CRYBG1: variants seen among roughly 807,000 people sequenced by gnomAD.
The protein encoded by CRYBG1 is crystallin beta-gamma domain containing 1.
CRYBG1 carries 139 observed loss-of-function variants against 189.2 expected under a neutral mutation model. The ratio of observed to expected loss-of-function variants is 0.73; its 90% CI spans 0.64 to 0.85. The LOEUF (loss-of-function observed/expected upper bound fraction) is 0.85. Among genes scored for constraint, CRYBG1 ranks in the 40% least tolerant of loss-of-function variants. The pLI is 0.00. For missense variants in CRYBG1, 2,611 were observed against 2,675.8 expected (o/e 0.98, Z 0.53); for synonymous variants, 1,023 against 1,017.1 (o/e 1.01, Z -0.11).
At chr6:106,442,140 A>C (rs753472540) in intron 1 of CRYBG1, among the ~76,000 whole-genome samples, 1 of 152,200 alleles carries the variant, frequency 6.6e-6, no homozygotes, top group Non-Finnish European at 1.5e-5. Context: ...GGTGTTTGTG[A>C]GTTCAGAAAA....
At chr6:106,369,116 A>C (rs1390325384) in intron 1 of CRYBG1, among the ~76,000 whole-genome samples, 1 of 152,352 alleles carries the variant, frequency 6.6e-6, no homozygotes, top group South Asian at 2.1e-4. Flanking sequence ...TCATGAAAGC[A>C]TACATTTTGA....
At chr6:106,492,222 G>C (rs1458031768) in intron 2 of CRYBG1, among the ~76,000 whole-genome samples, 2 of 152,174 alleles carry the variant, frequency 1.3e-5, no homozygotes, top group Non-Finnish European at 2.9e-5. Context: ...TAAGCTTCTA[G>C]ATGTCAAAAT....
intron 2 of CRYBG1, among the ~76,000 whole-genome samples, chr6:106,461,575 A>G (rs188123354): frequency 7.9e-5 from 12 of 152,274 alleles, no homozygotes; most frequent in Non-Finnish European, 1.3e-4. Context: ...GGTCTTTCCT[A>G]ATCGTGATAG....
At chr6:106,379,771 A>G (rs1159948040) in intron 1 of CRYBG1, among the ~76,000 whole-genome samples, 1 of 152,016 alleles carries the variant, frequency 6.6e-6, no homozygotes, top group Non-Finnish European at 1.5e-5. Flanking sequence ...TGTGTTGCCC[A>G]GCTTGAGGAT....
At chr6:106,416,358 C>A (rs1322790730) in intron 1 of CRYBG1, among the ~76,000 whole-genome samples, 2 of 152,224 alleles carry the variant, frequency 1.3e-5, no homozygotes, top group Non-Finnish European at 2.9e-5. Context: ...TGGTTTACAG[C>A]AGCAGGGAGA....
Position 106,560,815 on chromosome 6 carries a change from T to C in CRYBG1, c.5868T>C (p.Tyr1956=), listed in dbSNP as rs1774694840. 6.2e-7 allele frequency: 1 copy of C among 1,611,308 alleles called. No individual in the cohort carries two copies. Among genetic ancestry groups the C allele is most frequent in the Non-Finnish European group, 8.5e-7 (1 of 1,179,006 alleles). ...VQVIGGIWVT[Y]EYGSYRGRQF... The stretch of plus-strand genomic sequence containing the variant: ...TTTTTGTTTTCAGATGGGTTACTTA[T>C]GAATATGGCAGTTACAGAGGGCGAC... Residue 1956 remains tyrosine (Y), a synonymous_variant, in exon 19 of 22, where the codon TAT becomes TAC. Coordinates refer to ENST00000633556, the MANE Select transcript of CRYBG1 (RefSeq NM_001371242.2).
chr6:106,516,515 T>C (rs1773422761), intron 3 of CRYBG1, among the ~76,000 whole-genome samples: 1 of 152,218 alleles, frequency 6.6e-6, no homozygotes, highest in Non-Finnish European at 1.5e-5. Context: ...ATTACAAGCA[T>C]GAGCCACCAC....
At chr6:106,499,696 C>T (rs1772958983) in intron 2 of CRYBG1, among the ~76,000 whole-genome samples, 1 of 152,000 alleles carries the variant, frequency 6.6e-6, no homozygotes, top group African/African-American at 2.4e-5. Flanking sequence ...TAAAATCTAT[C>T]CTTTTAGCAA....
chr6:106,448,662 G>A (rs1009154683), intron 1 of CRYBG1, among the ~76,000 whole-genome samples: 1 of 152,216 alleles, frequency 6.6e-6, no homozygotes, highest in Non-Finnish European at 1.5e-5. Context: ...TGTAGCAAGT[G>A]TGGGGAACAT....
intron 1 of CRYBG1, among the ~76,000 whole-genome samples, chr6:106,361,987 C>CTTTCTTTCTT (rs1771882848): frequency 2.8e-4 from 3 of 10,594 alleles, no homozygotes; most frequent in African/African-American, 4.7e-4. Flanking sequence ...TTTTTTTTTT[C>CTTTCTTTCTT]TGAGACGGAG....
chr6:106,443,339 A>G (rs1582765492), intron 1 of CRYBG1, among the ~76,000 whole-genome samples: 2 of 152,222 alleles, frequency 1.3e-5, no homozygotes, highest in South Asian at 4.1e-4. Context: ...GTTTTATATA[A>G]TTGTTAAAAT....
intron 2 of CRYBG1, among the ~76,000 whole-genome samples, chr6:106,481,324 A>G (rs935711858): frequency 1.3e-5 from 2 of 152,028 alleles, no homozygotes; most frequent in East Asian, 1.9e-4. Flanking sequence ...TGGAGGTGAA[A>G]GTTTAGCTTA....
At chr6:106,434,796 C>A (rs11962991) in intron 1 of CRYBG1, among the ~76,000 whole-genome samples, 1 of 152,206 alleles carries the variant, frequency 6.6e-6, no homozygotes, top group Non-Finnish European at 1.5e-5. Flanking sequence ...CCTTAGTGTG[C>A]TAAGCCCTGA....
Position 106,512,102 on chromosome 6 carries a change from C to A in CRYBG1, c.985C>A (p.Arg329Ser). The A allele has an allele frequency of 6.5e-7, 1 of 1,534,462 alleles. No individual in the cohort carries two copies. The highest frequency in any genetic ancestry group is 8.7e-7 in the Non-Finnish European group (1 of 1,146,222). The part of the protein sequence containing the change: ...VCAEEGSLGP[R>S]NARSQPPKGA... The stretch of plus-strand genomic sequence containing the variant: ...TGCCGAAGAAGGCTCCCTGGGGCCC[C>A]GCAACGCCCGCAGCCAGCCCCCCAA... The change falls in exon 3 of 22, where the codon CGC becomes AGC. Residue 329 changes from arginine (R) to serine (S), a missense_variant. This residue lies in a region of CRYBG1 where 985 missense variants were observed against 924.4 expected (regional missense o/e 1.07). Transcript: ENST00000633556.
intron 1 of CRYBG1, among the ~76,000 whole-genome samples, chr6:106,388,483 T>G (rs1410256056): frequency 6.6e-6 from 1 of 152,234 alleles, no homozygotes; most frequent in Non-Finnish European, 1.5e-5. Context: ...CTAACTTTAT[T>G]ATTAGCAACT....
At chr6:106,400,077 A>G (rs1770692658) in intron 1 of CRYBG1, among the ~76,000 whole-genome samples, 1 of 145,178 alleles carries the variant, frequency 6.9e-6, no homozygotes, top group Non-Finnish European at 1.5e-5. Context: ...CAGAGTTTGC[A>G]GTGAGCTGAG....
chr6:106,471,596 G>C (rs1772233679), intron 2 of CRYBG1, among the ~76,000 whole-genome samples: 3 of 152,120 alleles, frequency 2.0e-5, no homozygotes, highest in Admixed American at 2.0e-4. Context: ...TTTTAGGACA[G>C]TGCTTGGTAC....
At chr6:106,565,651 A>G (rs1374092860) in intron 21 of CRYBG1, among the ~76,000 whole-genome samples, 1 of 152,226 alleles carries the variant, frequency 6.6e-6, no homozygotes, top group Admixed American at 6.5e-5. Context: ...AAGATCATAT[A>G]AAATGCAAGT....
In CRYBG1 at chr6:106,520,162, A is replaced by C; in HGVS notation, c.2954A>C (p.Gln985Pro). ...IPESSEVREVQLPTCHSNEPE... is the reference protein window; with the variant it reads ...IPESSEVREVPLPTCHSNEPE... ...GAGAGCTCTGAAGTTAGAGAAGTGC[A>C]GTTGCCAACTTGTCACAGTAATGAA... Residue 985 changes from glutamine to proline, a missense_variant, in exon 4 of 22, where the codon CAG becomes CCG. Gln to Pro is a moderately conservative substitution (Grantham distance 76, BLOSUM62 -1). Around this residue, in one of 3 missense-constraint regions of CRYBG1, gnomAD observed 1,622 missense variants for 1,735.0 expected, o/e 0.93. Transcript: ENST00000633556. 3.1e-6 allele frequency: 5 copies of C among 1,614,150 alleles called. No homozygotes were observed. Among genetic ancestry groups the C allele is most frequent in the Non-Finnish European group, 4.2e-6 (5 of 1,180,032 alleles).
Sources: gnomAD v4.1 joint callset for allele counts (sites outside exome capture counted in the v4.1 genomes callset) on GRCh38, gnomAD v4.1.1 for gene constraint, gnomAD v4.1.1 regional missense constraint, MANE v1.5 for transcripts, NCBI Gene and HGNC (gene_info 2026-07-23, HGNC 2026-07-21) for gene names.